PPP1R26: variants seen among roughly 807,000 people sequenced by gnomAD.
The protein encoded by PPP1R26 is protein phosphatase 1 regulatory subunit 26.
A neutral mutation model predicts 67.6 loss-of-function variants in PPP1R26; 22 were observed. The ratio of observed to expected loss-of-function variants is 0.33; its 90% confidence interval spans 0.23 to 0.46. The LOEUF is 0.46. PPP1R26 is among the 20% of genes least tolerant of loss of function. The probability of loss-of-function intolerance (pLI) is 1.00; values close to 1 mark genes in which losing one functional copy is unlikely to be tolerated. For missense variants in PPP1R26, 1,602 were observed against 1,651.4 expected, an observed-to-expected ratio of 0.97 and a Z score of 0.52; for synonymous variants, 729 against 717.2, an observed-to-expected ratio of 1.02 and a Z score of -0.26.
In PPP1R26 at chr9:135,487,255, C is replaced by A; in HGVS notation, c.2745C>A (p.Gly915=). The A allele has an allele frequency of 6.4e-7, 1 of 1,566,078 alleles. No individual in the cohort carries two copies. ...GCACAGAGAGCGCAGGAGCACAGGGCACAGCTGGTCTGTTCAGCCAGGGCG... is the reference window on the plus strand; with the variant it reads ...GCACAGAGAGCGCAGGAGCACAGGGAACAGCTGGTCTGTTCAGCCAGGGCG... ...LRGTESAGAQ[G]TAGLFSQGGK... is the part of the protein sequence containing the mutation. Residue 915 remains glycine, a synonymous_variant, in exon 4 of 4, where the codon GGC becomes GGA. Transcript: ENST00000356818.
chr9:135,483,110 C>T lies in PPP1R26; in HGVS notation c.-196+295C>T, dbSNP rs1378054472. On this transcript the variant is annotated intron_variant, in intron 2 of 3. Transcript: ENST00000356818. ...GTTCGAGCAATTCTCCTGCCTCAGC[C>T]TCCCAAGTAGCTGGGATTACAGGCA... is the stretch of plus-strand genomic sequence containing the variant. 2.6e-5 allele frequency among the ~76,000 whole-genome samples: 4 copies of T among 151,536 alleles called. No homozygotes were observed. In the East Asian group the frequency reaches 7.9e-4, roughly 30 times the overall value.
At position 135,488,267 on chromosome 9, in the gene PPP1R26, T is replaced by C; in HGVS notation, c.*127T>C. The C allele has an allele frequency of 8.0e-7, 1 of 1,252,526 alleles. No homozygotes were observed. Among genetic ancestry groups the C allele is most frequent in the Non-Finnish European group, 1.0e-6 (1 of 984,136 alleles). The allele number at this position is 1,252,526 out of a possible 1,614,324, so 77.6% of individuals were successfully genotyped here. ...AGTCTATTATACATAGCCCTGTATA[T>C]ATGTACACCAACATGAAACTTTTAT... On this transcript the variant is annotated 3_prime_UTR_variant, in exon 4 of 4. Coordinates refer to ENST00000356818, the MANE Select transcript of PPP1R26 (RefSeq NM_014811.5).
Position 135,484,483 on chromosome 9 carries a change from C to A in PPP1R26, c.-28C>A. ...CCGGTAGAGAAATAAAGCATCGCCC[C>A]TCTGCGCGCCCCTCCCCGTCTGCTA... is the stretch of plus-strand genomic sequence containing the variant. On this transcript the variant is annotated 5_prime_UTR_variant, in exon 4 of 4. Transcript: ENST00000356818. 1 of 1,517,702 alleles carries A rather than the reference C, an allele frequency of 6.6e-7. No homozygotes were observed. Among genetic ancestry groups the A allele is most frequent in the South Asian group, 1.2e-5 (1 of 80,824 alleles). The allele number at this position is 1,517,702 out of a possible 1,614,324, so 94.0% of individuals were successfully genotyped here. A position where few individuals can be genotyped will look rare whatever the true frequency, so the allele number is the denominator to read the frequency against.
Position 135,485,828 on chromosome 9 carries a change from G to T in PPP1R26, c.1318G>T (p.Gly440Cys), listed in dbSNP as rs141471461. The T allele has an allele frequency of 9.3e-6, 15 of 1,612,882 alleles. No individual in the cohort carries two copies. Among genetic ancestry groups the T allele is most frequent in the Middle Eastern group, 3.3e-4 (2 of 6,024 alleles). ...CAAGACCATGGACCCTGGTCCAGGG[G>T]GCCTGGACACTGACCATGCCCCCAA... ...ATKTMDPGPG[G>C]LDTDHAPKLL... The change falls in exon 4 of 4, where the codon GGC (glycine) becomes TGC (cysteine). Residue 440 changes from glycine to cysteine, a missense_variant. Physicochemically the swap from Gly to Cys is radical, Grantham distance 159. Around this residue, in one of 5 missense-constraint regions of PPP1R26, gnomAD observed 680 missense variants for 726.1 expected, o/e 0.94. Coordinates refer to ENST00000356818, the MANE Select transcript of PPP1R26 (RefSeq NM_014811.5). This position sits in a 1 kb window ranked among gnomAD's most constrained non-coding sequence, Gnocchi z 7.2.
chr9:135,480,246 C>G (rs770820249), intron 1 of PPP1R26: 1 of 152,036 alleles, frequency 6.6e-6, no homozygotes, highest in Non-Finnish European at 1.5e-5. Flanking sequence ...CCCGCGCGCC[C>G]CGCGCTCCTG....
rs577812668 is a variant in PPP1R26 at position 135,484,466 on chromosome 9, GAAAT to G, written c.-41_-38del. On this transcript the variant is annotated 5_prime_UTR_variant, in exon 4 of 4. Transcript: ENST00000356818. ...CCGCCCAGGATGTGAAGCCGGTAGA[GAAAT>G]AAAGCATCGCCCCTCTGCGCGCCCC... 3,430 of 1,468,458 alleles carry G rather than the reference GAAAT, an allele frequency of 2.3e-3. 6 individuals are homozygous for G. Among genetic ancestry groups the G allele is most frequent in the Non-Finnish European group, 2.9e-3 (3,128 of 1,086,894 alleles). 91.0% of individuals were successfully genotyped at this position (1,468,458 alleles called of 1,614,324 possible). A position where few individuals can be genotyped will look rare whatever the true frequency, so the allele number is the denominator to read the frequency against.
At position 135,488,061 on chromosome 9, in the gene PPP1R26, AC is replaced by A; in HGVS notation, c.3552del (p.Asp1184GlufsTer23). ...RRVNRDDQEQ[D>X]ALGSDASDFS... ...GTCAACAGGGATGACCAGGAGCAGG[AC>A]GCCTTGGGCAGTGACGCCAGTGACT... On this transcript the variant is annotated frameshift_variant, in exon 4 of 4. Coordinates refer to ENST00000356818, the MANE Select transcript of PPP1R26 (RefSeq NM_014811.5). LOFTEE classifies it high-confidence loss of function. The A allele has an allele frequency of 6.3e-7, 1 of 1,597,566 alleles. No individual in the cohort carries two copies. The highest frequency in any genetic ancestry group is 8.5e-7 in the Non-Finnish European group (1 of 1,173,098).
chr9:135,484,731 G>A lies in PPP1R26; in HGVS notation c.221G>A (p.Arg74Lys), dbSNP rs1393821669. The change falls in exon 4 of 4, where the codon AGG becomes AAG. Residue 74 changes from arginine (R) to lysine (K), a missense_variant. Around this residue, in one of 5 missense-constraint regions of PPP1R26, gnomAD observed 168 missense variants for 176.1 expected, o/e 0.95. Coordinates refer to ENST00000356818, the MANE Select transcript of PPP1R26 (RefSeq NM_014811.5). ...GAGCGCGCCGCACAGAGGGGCCACA[G>A]GGCAGAGGGATGCCACGACGCCAGG... ...SDERAAQRGH[R>K]AEGCHDARPA... 1 of 1,610,074 alleles carries A rather than the reference G, an allele frequency of 6.2e-7. No homozygotes were observed. Among genetic ancestry groups the A allele is most frequent in the Non-Finnish European group, 8.5e-7 (1 of 1,178,908 alleles).
Position 135,487,134 on chromosome 9 carries a change from A to C in PPP1R26, c.2624A>C (p.Glu875Ala), listed in dbSNP as rs768473104. 6.2e-7 allele frequency: 1 copy of C among 1,609,648 alleles called. No homozygotes were observed. Among genetic ancestry groups the C allele is most frequent in the Non-Finnish European group, 8.5e-7 (1 of 1,178,132 alleles). The change falls in exon 4 of 4, where the codon GAG (glutamate) becomes GCG (alanine). Residue 875 changes from glutamate to alanine, a missense_variant. By Grantham distance (107) the Glu-to-Ala change is moderately radical. Coordinates refer to ENST00000356818, the MANE Select transcript of PPP1R26 (RefSeq NM_014811.5). ...GGGACAGGGGGCCCAGCCAGGCCAG[A>C]GGTGCTGTGCAGGAAGGAGCCTGCC... The part of the protein sequence containing the change: ...ALGTGGPARP[E>A]VLCRKEPAPP...
chr9:135,486,249 C>A lies in PPP1R26; in HGVS notation c.1739C>A (p.Thr580Asn). The A allele has an allele frequency of 2.5e-6, 4 of 1,612,938 alleles. No individual in the cohort carries two copies. Among genetic ancestry groups the A allele is most frequent in the African/African-American group, 1.3e-5 (1 of 75,066 alleles). Residue 580 changes from threonine to asparagine, a missense_variant, in exon 4 of 4, where the codon ACC becomes AAC. Physicochemically the swap from Thr to Asn is moderately conservative, Grantham distance 65. Coordinates refer to ENST00000356818, the MANE Select transcript of PPP1R26 (RefSeq NM_014811.5). The surrounding 1 kb of genome is among the most constrained non-coding windows in gnomAD (Gnocchi z 6.2). ...GLNSQTGGHK[T>N]PLSKTPDPLL... ...AACAGCCAGACCGGCGGCCACAAGA[C>A]CCCTCTCTCTAAAACACCAGACCCA...
rs778841265 is a variant in PPP1R26, at chr9:135,486,963, C to T, written c.2453C>T (p.Ala818Val). 10 of 1,612,856 alleles carry T rather than the reference C, an allele frequency of 6.2e-6. No homozygotes were observed. The East Asian group carries it at 2.2e-4, about 36-fold the overall frequency. The part of the protein sequence containing the change: ...NPFPRESQGP[A>V]PSPGSLSDDS... ...TTCCCCAGGGAGTCCCAGGGCCCAG[C>T]TCCCAGCCCCGGCTCCCTGTCTGAT... The change falls in exon 4 of 4, where the codon GCT becomes GTT. Residue 818 changes from alanine to valine, a missense_variant. By Grantham distance (64) the Ala-to-Val change is moderately conservative (BLOSUM62 0). This residue lies in a region of PPP1R26 where 740 missense variants were observed against 696.3 expected (regional missense o/e 1.06). Coordinates refer to ENST00000356818, the MANE Select transcript of PPP1R26 (RefSeq NM_014811.5). This position sits in a 1 kb window ranked among gnomAD's most constrained non-coding sequence, Gnocchi z 6.2.
Position 135,487,438 on chromosome 9 carries a change from T to G in PPP1R26, c.2928T>G (p.Ala976=), listed in dbSNP as rs770025154. The change falls in exon 4 of 4, where the codon GCT becomes GCG. Residue 976 remains alanine (A), a synonymous_variant. Coordinates refer to ENST00000356818, the MANE Select transcript of PPP1R26 (RefSeq NM_014811.5). ...PRGAEPAAKS[A]FGQLPSCATA... is the part of the protein sequence containing the mutation. ...GGGCTGAGCCTGCTGCCAAAAGTGC[T>G]TTTGGTCAGCTGCCCAGCTGTGCCA... The G allele has an allele frequency of 9.3e-6, 15 of 1,608,380 alleles. No homozygotes were observed. Among genetic ancestry groups the G allele is most frequent in the Non-Finnish European group, 1.3e-5 (15 of 1,178,908 alleles).
Position 135,488,137 on chromosome 9 carries a change from C to A in PPP1R26, c.3627C>A (p.Val1209=), listed in dbSNP as rs1159513326. 1 of 1,507,938 alleles carries A rather than the reference C, an allele frequency of 6.6e-7. No homozygotes were observed. Among genetic ancestry groups the A allele is most frequent in the Non-Finnish European group, 8.9e-7 (1 of 1,129,334 alleles). The allele number at this position is 1,507,938 out of a possible 1,614,324, so 93.4% of individuals were successfully genotyped here. ...EDSGGSSVVK[V] ...GTGGCGGCAGCTCAGTAGTGAAGGTCTAAGCCCTCGAGCTGTGGGTTCGCG... is the reference window on the plus strand; with the variant it reads ...GTGGCGGCAGCTCAGTAGTGAAGGTATAAGCCCTCGAGCTGTGGGTTCGCG... Residue 1209 remains valine, a synonymous_variant, in exon 4 of 4, where the codon GTC becomes GTA. Coordinates refer to ENST00000356818, the MANE Select transcript of PPP1R26 (RefSeq NM_014811.5).
upstream of PPP1R26, chr9:135,479,712 C>G (rs1830439376): frequency 6.9e-6 from 1 of 145,562 alleles, no homozygotes; most frequent in Admixed American, 6.8e-5. This position sits in a 1 kb window ranked among gnomAD's most constrained non-coding sequence, Gnocchi z 5.9. Context: ...GCGGCCGCCG[C>G]CGCCACCGTC....
rs3748195 is a variant in PPP1R26, at chr9:135,486,069, G to T, written c.1559G>T (p.Arg520Leu). The stretch of plus-strand genomic sequence containing the variant: ...TTCTACTCCCCGAACGTGCCTTCCC[G>T]CTCTGACGGCGACAGTAGCTCCGTG... The part of the protein sequence containing the change: ...PLFYSPNVPS[R>L]SDGDSSSVDS... Residue 520 changes from arginine to leucine, a missense_variant, in exon 4 of 4, where the codon CGC (arginine) becomes CTC (leucine). Arg to Leu is a moderately radical substitution (Grantham distance 102, BLOSUM62 -2). Coordinates refer to ENST00000356818, the MANE Select transcript of PPP1R26 (RefSeq NM_014811.5). The surrounding 1 kb of genome is among the most constrained non-coding windows in gnomAD (Gnocchi z 6.2). 6.2e-7 allele frequency: 1 copy of T among 1,613,024 alleles called. No homozygotes were observed.
intron 1 of PPP1R26, among the ~76,000 whole-genome samples, 173 bp from the exon 2 acceptor site, chr9:135,482,510 A>G (rs77671242): frequency 5.9e-4 from 90 of 152,362 alleles, no homozygotes; most frequent in African/African-American, 2.1e-3. Flanking sequence ...TATTTGTCTT[A>G]ATACATTAAG....
Position 135,484,449 on chromosome 9 carries a change from G to A in PPP1R26, c.-62G>A. 7.1e-7 allele frequency: 1 copy of A among 1,415,790 alleles called. No individual in the cohort carries two copies. The highest frequency in any genetic ancestry group is 1.4e-5 in the South Asian group (1 of 73,548). 87.7% of individuals were successfully genotyped at this position (1,415,790 alleles called of 1,614,324 possible). The stretch of plus-strand genomic sequence containing the variant: ...GCCCATGTGCTTTCTTTCCGCCCAG[G>A]ATGTGAAGCCGGTAGAGAAATAAAG... On this transcript the variant is annotated splice_region_variant and 5_prime_UTR_variant, in exon 4 of 4. Transcript: ENST00000356818.
chr9:135,488,066 T>C lies in PPP1R26; in HGVS notation c.3556T>C (p.Leu1186=). The C allele has an allele frequency of 6.3e-7, 1 of 1,587,806 alleles. No homozygotes were observed. Among genetic ancestry groups the C allele is most frequent in the Non-Finnish European group, 8.6e-7 (1 of 1,168,800 alleles). The part of the protein sequence containing the change: ...VNRDDQEQDA[L]GSDASDFSDT... ...CAGGGATGACCAGGAGCAGGACGCC[T>C]TGGGCAGTGACGCCAGTGACTTCAG... Residue 1186 remains leucine (L), a synonymous_variant, in exon 4 of 4, where the codon TTG becomes CTG. Coordinates refer to ENST00000356818, the MANE Select transcript of PPP1R26 (RefSeq NM_014811.5).
Position 135,485,193 on chromosome 9 carries a change from C to T in PPP1R26, c.683C>T (p.Ala228Val), listed in dbSNP as rs763204394. The T allele has an allele frequency of 5.8e-5, 94 of 1,612,690 alleles. 1 individual carries two copies. In the South Asian group the frequency reaches 8.9e-4, roughly 15 times the overall value. ...SDDSFEQSIR[A>V]EIEQFLNEKR... The stretch of plus-strand genomic sequence containing the variant: ...GACTCCTTCGAGCAGAGCATCAGGG[C>T]GGAAATAGAACAGTTTCTGAATGAG... Residue 228 changes from alanine (A) to valine (V), a missense_variant, in exon 4 of 4, where the codon GCG becomes GTG. Ala to Val is a moderately conservative substitution (Grantham distance 64). Coordinates refer to ENST00000356818, the MANE Select transcript of PPP1R26 (RefSeq NM_014811.5). The surrounding 1 kb of genome is among the most constrained non-coding windows in gnomAD (Gnocchi z 7.2).
Sources: allele counts gnomAD v4.1 joint callset (sites outside exome capture counted in the v4.1 genomes callset), GRCh38; gene constraint gnomAD v4.1.1; regional missense constraint gnomAD v4.1.1; non-coding constraint Gnocchi (gnomAD v3.1); transcripts MANE v1.5; gene names NCBI Gene and HGNC (gene_info 2026-07-23, HGNC 2026-07-21).